MS4A2: variants seen among roughly 807,000 people sequenced by gnomAD.
MS4A2 encodes the protein high affinity immunoglobulin epsilon receptor subunit beta.
MS4A2 carries 26 observed loss-of-function variants against 27.9 expected under a neutral mutation model. The ratio of observed to expected loss-of-function variants is 0.93; its 90% CI spans 0.68 to 1.29. The LOEUF is 1.29. Ranked by LOEUF, MS4A2 falls within the 50% of genes most tolerant of loss-of-function variation. MS4A2 has a pLI of 0.00. For synonymous variants in MS4A2, 110 were observed against 98.8 expected (o/e 1.11, Z -0.67); for missense variants, 284 against 284.6 (o/e 1.00, Z 0.01).
chr11:60,088,791 C>G lies in MS4A2; in HGVS notation c.26C>G (p.Ala9Gly), dbSNP rs1484780995. Reference protein sequence around the residue: MDTESNRRANLALPQEPSS... With the variant: MDTESNRRGNLALPQEPSS... Reference sequence around the variant, plus strand: ...ATGGACACAGAAAGTAATAGGAGAGCAAATCTTGCTCTCCCACAGGAGCCT... The same window carrying G: ...ATGGACACAGAAAGTAATAGGAGAGGAAATCTTGCTCTCCCACAGGAGCCT... Residue 9 changes from alanine (A) to glycine (G), a missense_variant, in exon 1 of 7, where the codon GCA (alanine) becomes GGA (glycine). Coordinates refer to ENST00000278888, the MANE Select transcript of MS4A2 (RefSeq NM_000139.5). 3 of 1,612,156 alleles carry G rather than the reference C, an allele frequency of 1.9e-6. No individual in the cohort carries two copies. The highest frequency in any genetic ancestry group is 2.5e-6 in the Non-Finnish European group (3 of 1,178,894).
intron 3 of MS4A2, among the ~76,000 whole-genome samples, chr11:60,092,080 G>A (rs1328180180): frequency 6.6e-6 from 1 of 152,068 alleles, no homozygotes; most frequent in Non-Finnish European, 1.5e-5. Flanking sequence ...GATGGAAGAC[G>A]CACATACAAA....
intron 3 of MS4A2, among the ~76,000 whole-genome samples, chr11:60,091,691 G>A (rs180958349): frequency 1.1e-3 from 172 of 152,002 alleles, no homozygotes; most frequent in Non-Finnish European, 1.7e-3. Flanking sequence ...TCTTTATATC[G>A]ATACTTCATT....
chr11:60,093,124 A>G (rs1014542092), intron 4 of MS4A2, among the ~76,000 whole-genome samples: 3 of 152,242 alleles, frequency 2.0e-5, no homozygotes, highest in African/African-American at 7.2e-5. Context: ...TTGTCCTTGT[A>G]GGCATATTCA....
chr11:60,093,131 T>C (rs1855797838), intron 4 of MS4A2, among the ~76,000 whole-genome samples: 1 of 152,246 alleles, frequency 6.6e-6, no homozygotes, highest in Non-Finnish European at 1.5e-5. Flanking sequence ...TGTAGGCATA[T>C]TCACATGATC....
chr11:60,095,433 A>G, intron 6 of MS4A2, 125 bp from the exon 7 acceptor site: 1 of 705,120 alleles, frequency 1.4e-6, no homozygotes, highest in Non-Finnish European at 2.6e-6. Flanking sequence ...AGAAATAATC[A>G]GAGTTTAATG....
rs751846511 is a variant in MS4A2 at position 60,095,663 on chromosome 11, C to T, written c.*7C>T. 4.8e-5 allele frequency: 75 copies of T among 1,573,730 alleles called. No homozygotes were observed. The South Asian group carries it at 6.9e-4, about 14-fold the overall frequency. On this transcript the variant is annotated 3_prime_UTR_variant, in exon 7 of 7. Transcript: ENST00000278888. The stretch of plus-strand genomic sequence containing the variant: ...TCCTCCCATTGATTTATAAGAATCA[C>T]GTGTCCAGAACACTCTGATTCACAG...
At chr11:60,091,902 G>A (rs974798188) in intron 3 of MS4A2, among the ~76,000 whole-genome samples, 3 of 152,144 alleles carry the variant, frequency 2.0e-5, no homozygotes, top group South Asian at 4.1e-4. Flanking sequence ...TGAGTCTTTA[G>A]GAGATTGCTT....
chr11:60,090,695 G>A (rs529367922), intron 3 of MS4A2, among the ~76,000 whole-genome samples: 1 of 152,236 alleles, frequency 6.6e-6, no homozygotes, highest in South Asian at 2.1e-4. Flanking sequence ...TTTATCCCAT[G>A]AGAAACCTGA....
Position 60,090,350 on chromosome 11 carries a change from G to A in MS4A2, c.201G>A (p.Leu67=). The A allele has an allele frequency of 6.2e-7, 1 of 1,612,890 alleles. No individual in the cohort carries two copies. Among genetic ancestry groups the A allele is most frequent in the African/African-American group, 1.3e-5 (1 of 74,966 alleles). ...EQEFLGVTQI[L]TAMICLCFGT... is the part of the protein sequence containing the mutation. ...TTTTTCTATAGGTAACACAAATTCT[G>A]ACTGCTATGATATGCCTTTGTTTTG... The change falls in exon 3 of 7, where the codon CTG becomes CTA. Residue 67 remains leucine (L), a synonymous_variant. Coordinates refer to ENST00000278888, the MANE Select transcript of MS4A2 (RefSeq NM_000139.5).
At position 60,095,630 on chromosome 11, in the gene MS4A2, G is replaced by C; in HGVS notation, c.709G>C (p.Glu237Gln). The C allele has an allele frequency of 6.2e-7, 1 of 1,609,914 alleles. No homozygotes were observed. The highest frequency in any genetic ancestry group is 8.5e-7 in the Non-Finnish European group (1 of 1,176,202). The change falls in exon 7 of 7, where the codon GAA (glutamate) becomes CAA (glutamine). Residue 237 changes from glutamate (E) to glutamine (Q), a missense_variant. Glu to Gln is a conservative substitution (Grantham distance 29, BLOSUM62 2). Transcript: ENST00000278888. ...TTACAGTGAGTTGGAAGACCCAGGGGAAATGTCTCCTCCCATTGATTTATA... is the reference window on the plus strand; with the variant it reads ...TTACAGTGAGTTGGAAGACCCAGGGCAAATGTCTCCTCCCATTGATTTATA... ...ATYSELEDPG[E>Q]MSPPIDL
Position 60,097,021 on chromosome 11 carries a change from G to T in MS4A2, c.*1365G>T, listed in dbSNP as rs371677379. ...ACAAAGGGAAATGCAGCCATAGAGG[G>T]CCTGATGACATCCAATACAGAGTTC... On this transcript the variant is annotated 3_prime_UTR_variant, in exon 7 of 7. Coordinates refer to ENST00000278888, the MANE Select transcript of MS4A2 (RefSeq NM_000139.5). 6.6e-6 allele frequency: 1 copy of T among 152,030 alleles called. No individual in the cohort carries two copies. Among genetic ancestry groups the T allele is most frequent in the Admixed American group, 6.6e-5 (1 of 15,252 alleles). 9.4% of individuals were successfully genotyped at this position (152,030 alleles called of 1,614,324 possible). A position where few individuals can be genotyped will look rare whatever the true frequency, so the allele number is the denominator to read the frequency against.
At chr11:60,090,153 G>C (rs866295207) in intron 2 of MS4A2, among the ~76,000 whole-genome samples, 183 bp from the exon 3 acceptor site, 11 of 152,158 alleles carry the variant, frequency 7.2e-5, no homozygotes, top group African/African-American at 2.7e-4. Context: ...CCATGCATTA[G>C]GTAGTGCTTG....
intron 6 of MS4A2, among the ~76,000 whole-genome samples, chr11:60,094,462 T>C (rs1855830131): frequency 6.6e-6 from 1 of 152,232 alleles, no homozygotes; most frequent in African/African-American, 2.4e-5. Flanking sequence ...CAACTTGCTC[T>C]AAAACCTCAG....
intron 3 of MS4A2, among the ~76,000 whole-genome samples, chr11:60,092,586 A>G (rs1438756787): frequency 6.6e-6 from 1 of 152,142 alleles, no homozygotes; most frequent in African/African-American, 2.4e-5. Context: ...ATGAGCCACC[A>G]CACCCAGCCT....
chr11:60,094,135 C>T (rs185079713), intron 6 of MS4A2, 73 bp downstream of exon 6: 19 of 1,015,012 alleles, frequency 1.9e-5, no homozygotes, highest in Middle Eastern at 4.1e-4. Context: ...AAAAATATGG[C>T]CTGGGTTTTC....
rs772320275 is a variant in MS4A2 at position 60,092,776 on chromosome 11, C to G, written c.322-16C>G. 3.7e-6 allele frequency: 6 copies of G among 1,608,386 alleles called. No individual in the cohort carries two copies. The South Asian group carries it at 6.6e-5, about 18-fold the overall frequency. On this transcript the variant is annotated splice_polypyrimidine_tract_variant and intron_variant, in intron 3 of 6. Transcript: ENST00000278888. ...AAGAAACTCATTGTGGCTTTTTTTT[C>G]CTCCTTTTTGAACAGTTTTCTATTT...
intron 3 of MS4A2, among the ~76,000 whole-genome samples, chr11:60,092,005 CAT>C (rs1322306381): frequency 5.3e-5 from 8 of 152,280 alleles, no homozygotes; most frequent in Admixed American, 1.3e-4. Flanking sequence ...TCTATATTCA[CAT>C]GATATATGTC....
chr11:60,091,935 A>G (rs551827623), intron 3 of MS4A2, among the ~76,000 whole-genome samples: 1 of 152,244 alleles, frequency 6.6e-6, no homozygotes, highest in Non-Finnish European at 1.5e-5. Context: ...ATTGACTTAT[A>G]TTTATATCAA....
chr11:60,095,995 T>C lies in MS4A2; in HGVS notation c.*339T>C, dbSNP rs182935559. 1 of 293,802 alleles carries C rather than the reference T, an allele frequency of 3.4e-6. No individual in the cohort carries two copies. Among genetic ancestry groups the C allele is most frequent in the Non-Finnish European group, 6.4e-6 (1 of 155,896 alleles). 18.2% of individuals were successfully genotyped at this position (293,802 alleles called of 1,614,324 possible). On this transcript the variant is annotated 3_prime_UTR_variant, in exon 7 of 7. Coordinates refer to ENST00000278888, the MANE Select transcript of MS4A2 (RefSeq NM_000139.5). ...GCTGGCTGAAAGTTGAGTTAAACTT[T>C]GACAGTTTGATAATATTTGGTTCTT...
Sources: allele counts gnomAD v4.1 joint callset (sites outside exome capture counted in the v4.1 genomes callset), GRCh38; gene constraint gnomAD v4.1.1; transcripts MANE v1.5; gene names NCBI Gene and HGNC (gene_info 2026-07-23, HGNC 2026-07-21).